GPRASP3: variants seen among roughly 807,000 people sequenced by gnomAD.
GPRASP3 encodes G protein-coupled receptor associated sorting protein family member 3, also known as G protein-coupled receptor associated sorting protein 3.
the GPRASP3 span, among the ~76,000 whole-genome samples, chrX:102,725,342 C>T: frequency 9.0e-6 from 1 of 111,509 alleles, no homozygotes; most frequent in East Asian, 2.8e-4. Context: ...CATGCTGTCC[C>T]TTCAATCTTC....
the GPRASP3 span, chrX:102,749,358 C>T: frequency 1.7e-6 from 2 of 1,212,012 alleles, no homozygotes; most frequent in Non-Finnish European, 2.2e-6. Flanking sequence ...CTATCAATTC[C>T]TGGTTCTGGA....
chrX:102,728,569 CTTT>C, the GPRASP3 span, among the ~76,000 whole-genome samples: 3 of 61,782 alleles, frequency 4.9e-5, no homozygotes, highest in African/African-American at 6.9e-5. Context: ...ATGTGCACTG[CTTT>C]TTTTTTTTTT....
the GPRASP3 span, among the ~76,000 whole-genome samples, chrX:102,726,714 C>A: frequency 8.9e-6 from 1 of 112,403 alleles, no homozygotes; most frequent in African/African-American, 3.2e-5. Context: ...CAGCACAGTC[C>A]CCTGAACTGA....
chrX:102,727,638 T>A, the GPRASP3 span, among the ~76,000 whole-genome samples: 1 of 112,496 alleles, frequency 8.9e-6, no homozygotes, highest in Non-Finnish European at 1.9e-5. Flanking sequence ...GCACTGAGGC[T>A]ACAGCACAAA....
the GPRASP3 span, among the ~76,000 whole-genome samples, chrX:102,740,309 C>T: frequency 2.7e-5 from 3 of 111,045 alleles, no homozygotes; most frequent in Non-Finnish European, 5.7e-5. Context: ...AGAGAGAGAT[C>T]GATTGATTGA....
At chrX:102,750,067 C>G in the GPRASP3 span, 4 of 1,205,219 alleles carry the variant, frequency 3.3e-6, no homozygotes, top group Non-Finnish European at 3.4e-6. Flanking sequence ...CCCATTTGCC[C>G]AAGAGTTTAT....
the GPRASP3 span, chrX:102,749,170 A>G: frequency 1.2e-5 from 14 of 1,212,177 alleles, no homozygotes; most frequent in Admixed American, 2.8e-4. Flanking sequence ...AGCAGAGATG[A>G]AGGCAGTGTC....
At chrX:102,730,366 T>C in the GPRASP3 span, among the ~76,000 whole-genome samples, 2 of 112,478 alleles carry the variant, frequency 1.8e-5, no homozygotes, top group Non-Finnish European at 3.8e-5. Context: ...AGCCCGCCAC[T>C]CACCTCCTGC....
At chrX:102,729,605 C>A in the GPRASP3 span, among the ~76,000 whole-genome samples, 1 of 112,407 alleles carries the variant, frequency 8.9e-6, no homozygotes, top group Non-Finnish European at 1.9e-5. Context: ...CACAGTGGCT[C>A]ACGCCTGTAA....
chrX:102,733,854 C>G, the GPRASP3 span, among the ~76,000 whole-genome samples: 1 of 110,430 alleles, frequency 9.1e-6, no homozygotes. Flanking sequence ...GTTTATTTCA[C>G]CTAGGTGCAG....
At chrX:102,745,835 G>A in the GPRASP3 span, 1 of 111,413 alleles carries the variant, frequency 9.0e-6, no homozygotes, top group African/African-American at 3.3e-5. Flanking sequence ...GTCCGCGGGG[G>A]TCCTCCTGAG....
the GPRASP3 span, among the ~76,000 whole-genome samples, chrX:102,726,257 C>G: frequency 8.9e-6 from 1 of 112,183 alleles, no homozygotes; most frequent in Non-Finnish European, 1.9e-5. Flanking sequence ...ACATTCCCAC[C>G]TTTGTGGTTT....
chrX:102,747,679 T>C, the GPRASP3 span: 1 of 112,072 alleles, frequency 8.9e-6, no homozygotes, highest in African/African-American at 3.2e-5. Flanking sequence ...TAGGGAATCA[T>C]TGAGGAAGAG....
the GPRASP3 span, among the ~76,000 whole-genome samples, chrX:102,740,442 A>T: frequency 3.6e-5 from 4 of 112,369 alleles, no homozygotes. Context: ...CCACAGTGTT[A>T]TAGAGCTTGG....
chrX:102,736,608 G>C, the GPRASP3 span, among the ~76,000 whole-genome samples: 1 of 111,009 alleles, frequency 9.0e-6, no homozygotes, highest in Non-Finnish European at 1.9e-5. Flanking sequence ...AAATGCTACG[G>C]AGCAAGACAG....
chrX:102,727,121 A>G, the GPRASP3 span, among the ~76,000 whole-genome samples: 1 of 112,713 alleles, frequency 8.9e-6, no homozygotes, highest in Admixed American at 9.4e-5. Flanking sequence ...CAAGGAATTC[A>G]ACTAAAACTA....
chrX:102,731,351 C>G, the GPRASP3 span, among the ~76,000 whole-genome samples: 1 of 112,399 alleles, frequency 8.9e-6, no homozygotes, highest in South Asian at 3.7e-4. Flanking sequence ...GGGCCGGGCC[C>G]AGTGGCTCAC....
At chrX:102,732,058 G>A in the GPRASP3 span, among the ~76,000 whole-genome samples, 1 of 112,025 alleles carries the variant, frequency 8.9e-6, no homozygotes, top group Admixed American at 9.4e-5. Context: ...TTTTAAAGAG[G>A]CAATGGGATA....
chrX:102,742,695 T>C, the GPRASP3 span, among the ~76,000 whole-genome samples: 16 of 111,724 alleles, frequency 1.4e-4, no homozygotes, highest in African/African-American at 3.3e-5. Context: ...CTCAAGCTGG[T>C]ACCAAGCACC....
Sources: gnomAD v4.1 joint callset for allele counts (sites outside exome capture counted in the v4.1 genomes callset) on GRCh38, gnomAD v4.1.1 for gene constraint, MANE v1.5 for transcripts, NCBI Gene and HGNC (gene_info 2026-07-23, HGNC 2026-07-21) for gene names.